Variants in SMOC2 observed in about 807,000 individuals in gnomAD.
The protein encoded by SMOC2 is SPARC related modular calcium binding 2.
A neutral mutation model predicts 61.4 loss-of-function variants in SMOC2; 39 were observed. That is an observed-to-expected ratio of 0.64 (90% CI 0.49 to 0.83). The LOEUF (loss-of-function observed/expected upper bound fraction) is 0.83. Ranked by LOEUF, SMOC2 falls within the 40% of genes least tolerant of loss-of-function variation. SMOC2 has a pLI of 0.00. For missense variants in SMOC2, 556 were observed against 592.9 expected (o/e 0.94, Z 0.65); for synonymous variants, 247 against 239.9 (o/e 1.03, Z -0.27).
intron 9 of SMOC2, among the ~76,000 whole-genome samples, chr6:168,626,779 G>T (rs1786422241): frequency 6.6e-6 from 1 of 152,190 alleles, no homozygotes; most frequent in South Asian, 2.1e-4. Flanking sequence ...AGATTCCAGG[G>T]GTCTTTACCA....
intron 4 of SMOC2, among the ~76,000 whole-genome samples, chr6:168,538,620 G>A (rs1174769932): frequency 1.5e-5 from 2 of 135,592 alleles, no homozygotes; most frequent in Non-Finnish European, 3.2e-5. Flanking sequence ...TGGAATCTGG[G>A]GGAGTGGGGT....
chr6:168,560,257 T>C (rs141840086), intron 7 of SMOC2, among the ~76,000 whole-genome samples: 3 of 152,332 alleles, frequency 2.0e-5, no homozygotes, highest in Non-Finnish European at 4.4e-5. Flanking sequence ...TAGTAACTAA[T>C]GCCAGAATAC....
chr6:168,545,781 C>T (rs1783982137), intron 5 of SMOC2, among the ~76,000 whole-genome samples: 3 of 152,208 alleles, frequency 2.0e-5, no homozygotes, highest in Admixed American at 1.3e-4. Flanking sequence ...CTTGGTGAGG[C>T]CTCAGCAAAA....
intron 2 of SMOC2, among the ~76,000 whole-genome samples, chr6:168,518,294 GTGAA>G (rs1224256073): frequency 9.2e-5 from 14 of 152,328 alleles, no homozygotes; most frequent in African/African-American, 3.1e-4. Flanking sequence ...GTGTGAATGT[GTGAA>G]TGTGTGAGAG....
In SMOC2 at chr6:168,603,620, G is replaced by A. The variant is rs114449964; in HGVS notation, c.825-4537G>A. On this transcript the variant is annotated intron_variant, in intron 8 of 12. Transcript: ENST00000356284. ...TACAGTCCATGCTTCCACGGAGCCT[G>A]CATGATAATGGGAAGATGCAGATAT... Among the ~76,000 whole-genome samples, 468 of 152,202 alleles carry A rather than the reference G, an allele frequency of 3.1e-3. 3 individuals carry two copies. Among genetic ancestry groups the A allele is most frequent in the African/African-American group, 0.011 (437 of 41,502 alleles).
chr6:168,461,789 C>T (rs564943981), intron 1 of SMOC2, among the ~76,000 whole-genome samples: 53 of 152,322 alleles, frequency 3.5e-4, no homozygotes, highest in Admixed American at 2.7e-3. Context: ...CACTCTATTA[C>T]GCCTAGTGGC....
At chr6:168,542,454 A>G (rs968944420) in intron 4 of SMOC2, among the ~76,000 whole-genome samples, 1 of 152,192 alleles carries the variant, frequency 6.6e-6, no homozygotes, top group African/African-American at 2.4e-5. Flanking sequence ...TCCCAAACGC[A>G]TATTATTTAG....
chr6:168,485,482 T>C (rs1048469586), intron 1 of SMOC2, among the ~76,000 whole-genome samples: 4 of 152,210 alleles, frequency 2.6e-5, no homozygotes, highest in African/African-American at 9.6e-5. Flanking sequence ...AACAGAATGT[T>C]ATTTGACCAT....
intron 12 of SMOC2, 44 bp from the exon 13 acceptor site, chr6:168,666,377 A>T (rs1174130852): frequency 6.2e-6 from 10 of 1,612,794 alleles, no homozygotes; most frequent in Non-Finnish European, 8.5e-6. Context: ...TGAGCGACAC[A>T]CACCTCTGAA....
intron 10 of SMOC2, among the ~76,000 whole-genome samples, chr6:168,651,783 G>A (rs1337111578): frequency 1.3e-5 from 2 of 152,206 alleles, no homozygotes; most frequent in East Asian, 1.9e-4. Flanking sequence ...GCTCACGCCT[G>A]TAATCCCAAC....
At chr6:168,621,647 A>T (rs12526434) in intron 9 of SMOC2, among the ~76,000 whole-genome samples, 48,423 of 152,048 alleles carry the variant, frequency 0.32, 8,131 homozygotes, top group Admixed American at 0.4. Context: ...GAAAGCAAAC[A>T]TGTCCTTCTT....
chr6:168,598,861 C>A lies in SMOC2; in HGVS notation c.681C>A (p.Ala227=), dbSNP rs752990585. 6.2e-7 allele frequency: 1 copy of A among 1,613,850 alleles called. No homozygotes were observed. Among genetic ancestry groups the A allele is most frequent in the Non-Finnish European group, 8.5e-7 (1 of 1,179,826 alleles). ...DQEHQSALEE[A]KQPKNDNVVI... Reference sequence around the variant, plus strand: ...AGCACCAGTCTGCCCTGGAGGAAGCCAAGCAGCCCAAGAACGACAATGTGG... The same window carrying A: ...AGCACCAGTCTGCCCTGGAGGAAGCAAAGCAGCCCAAGAACGACAATGTGG... The change falls in exon 8 of 13, where the codon GCC becomes GCA. Residue 227 remains alanine (A), a synonymous_variant. Coordinates refer to ENST00000356284, the MANE Select transcript of SMOC2 (RefSeq NM_001166412.2).
chr6:168,549,250 C>T (rs929045114), intron 7 of SMOC2, 47 bp downstream of exon 7: 2 of 1,565,534 alleles, frequency 1.3e-6, no homozygotes, highest in Non-Finnish European at 1.8e-6. Flanking sequence ...TTTAATAGAT[C>T]TAGAAAATGA....
At chr6:168,519,580 G>C (rs750835612) in intron 2 of SMOC2, among the ~76,000 whole-genome samples, 1 of 152,124 alleles carries the variant, frequency 6.6e-6, no homozygotes, top group African/African-American at 2.4e-5. Flanking sequence ...ACAGCCGGAC[G>C]TTCCTAGAAC....
chr6:168,661,839 C>T (rs2115291659), intron 11 of SMOC2, among the ~76,000 whole-genome samples: 1 of 152,214 alleles, frequency 6.6e-6, no homozygotes, highest in East Asian at 1.9e-4. Context: ...ATATTTTTTC[C>T]TGTAAAGTAG....
chr6:168,483,070 A>C (rs1266388524), intron 1 of SMOC2, among the ~76,000 whole-genome samples: 1 of 152,092 alleles, frequency 6.6e-6, no homozygotes, highest in Non-Finnish European at 1.5e-5. Flanking sequence ...TAGGCAAGAA[A>C]AATAAATACA....
At position 168,667,257 on chromosome 6, in the gene SMOC2, T is replaced by A. The variant is rs1787684482; in HGVS notation, c.*819T>A. 1 of 152,164 alleles carries A rather than the reference T, an allele frequency of 6.6e-6. No individual in the cohort carries two copies. Among genetic ancestry groups the A allele is most frequent in the Admixed American group, 6.5e-5 (1 of 15,282 alleles). 9.4% of individuals were successfully genotyped at this position (152,164 alleles called of 1,614,324 possible). On this transcript the variant is annotated 3_prime_UTR_variant, in exon 13 of 13. Coordinates refer to ENST00000356284, the MANE Select transcript of SMOC2 (RefSeq NM_001166412.2). ...GGTGTGACCGAGCTGGCTAACAGGC[T>A]TGTCTGCCTGGTTTTCCTCCTACAC...
At chr6:168,489,463 G>A (rs1782419016) in intron 1 of SMOC2, among the ~76,000 whole-genome samples, 1 of 149,072 alleles carries the variant, frequency 6.7e-6, no homozygotes, top group Non-Finnish European at 1.5e-5. Context: ...TGAATCGTCT[G>A]GGTCCCCTTG....
intron 4 of SMOC2, among the ~76,000 whole-genome samples, chr6:168,542,129 CG>C: frequency 6.6e-6 from 1 of 152,172 alleles, no homozygotes; most frequent in South Asian, 2.1e-4. Context: ...TTGCCTCTTT[CG>C]GGAACACATG....
Sources: allele counts gnomAD v4.1 joint callset (sites outside exome capture counted in the v4.1 genomes callset), GRCh38; gene constraint gnomAD v4.1.1; transcripts MANE v1.5; gene names NCBI Gene and HGNC (gene_info 2026-07-23, HGNC 2026-07-21).